The following RNF130 variants were observed in gnomAD, a reference collection of about 807,000 sequenced individuals.
RNF130 encodes the protein E3 ubiquitin-protein ligase RNF130.
Under a neutral mutation model 44.6 loss-of-function variants are expected in RNF130, and 21 were observed. The ratio of observed to expected loss-of-function variants is 0.47; its 90% confidence interval spans 0.33 to 0.68. RNF130 has a LOEUF of 0.68. RNF130 is among the 30% of genes least tolerant of loss of function. RNF130 has a pLI of 0.02. For synonymous variants in RNF130, 214 were observed against 210.4 expected (o/e 1.02, Z -0.15); for missense variants, 479 against 560.6 (o/e 0.85, Z 1.47).
chr5:179,939,685 A>C, intron 7 of RNF130: 1 of 454,238 alleles, frequency 2.2e-6, no homozygotes, highest in Non-Finnish European at 4.3e-6. Flanking sequence ...AAATGAAGAA[A>C]ATCTTCATCA....
At chr5:179,967,677 T>G (rs888579280) in intron 6 of RNF130, among the ~76,000 whole-genome samples, 8 of 152,254 alleles carry the variant, frequency 5.3e-5, no homozygotes, top group African/African-American at 1.9e-4. Context: ...TAACAACCTT[T>G]GGTTCTCTCA....
At chr5:180,012,934 T>TA in intron 3 of RNF130, 127 bp downstream of exon 3, 1 of 1,091,706 alleles carries the variant, frequency 9.2e-7, no homozygotes, top group East Asian at 2.4e-5. Flanking sequence ...TCCAACATAT[T>TA]AAAATGACTG....
intron 3 of RNF130, among the ~76,000 whole-genome samples, chr5:180,000,047 G>A (rs569450393): frequency 6.6e-6 from 1 of 152,084 alleles, no homozygotes; most frequent in African/African-American, 2.4e-5. Flanking sequence ...TCATACTCCT[G>A]CATGTTTTCC....
At chr5:179,985,725 A>G (rs1252010817) in intron 3 of RNF130, among the ~76,000 whole-genome samples, 2 of 152,174 alleles carry the variant, frequency 1.3e-5, no homozygotes, top group African/African-American at 4.8e-5. Flanking sequence ...AGCTTTATCA[A>G]TAAGGGCAGT....
intron 3 of RNF130, among the ~76,000 whole-genome samples, chr5:180,011,102 T>C (rs1322241853): frequency 6.6e-6 from 1 of 152,224 alleles, no homozygotes; most frequent in Non-Finnish European, 1.5e-5. Flanking sequence ...AAAACGCATA[T>C]AACCTGAAAC....
rs1446758930 is a variant in RNF130 at position 179,955,650 on chromosome 5, T to C, written c.*4A>G. 8.2e-6 allele frequency: 13 copies of C among 1,586,164 alleles called. No homozygotes were observed. The highest frequency in any genetic ancestry group is 1.1e-5 in the Non-Finnish European group (13 of 1,167,608). ...AATCAGTCAGAAAGCAGGTTTTTTC[T>C]TCTTCAAAACCATTCTACCCTATGG... On this transcript the variant is annotated 3_prime_UTR_variant, in exon 9 of 9. Coordinates refer to ENST00000521389, the MANE Select transcript of RNF130 (RefSeq NM_018434.6).
At chr5:180,015,548 GGGGAAGGAGTA>G in intron 2 of RNF130, among the ~76,000 whole-genome samples, 1 of 105,746 alleles carries the variant, frequency 9.5e-6, no homozygotes, top group Non-Finnish European at 1.8e-5. Context: ...GAAAGGAGTA[GGGGAAGGAGTA>G]GGGAAGGAGT....
chr5:179,953,076 T>C (rs1222120282), downstream of RNF130, among the ~76,000 whole-genome samples: 2 of 152,078 alleles, frequency 1.3e-5, no homozygotes, highest in Non-Finnish European at 2.9e-5. Context: ...ACAGATGACA[T>C]GATCTTGTAG....
Position 179,983,882 on chromosome 5 carries a change from C to T in RNF130, c.694-3682G>A, listed in dbSNP as rs1256914431. On this transcript the variant is annotated intron_variant, in intron 3 of 8. Coordinates refer to ENST00000521389, the MANE Select transcript of RNF130 (RefSeq NM_018434.6). ...TGTCAGATTTATTGTTAAGAATTTC[C>T]TATTTGTTGATGCTATGGAAAATGG... is the stretch of plus-strand genomic sequence containing the variant. Among the ~76,000 whole-genome samples the T allele has an allele frequency of 2.0e-5, 3 of 152,104 alleles. 1 individual carries two copies. The South Asian group carries it at 6.2e-4, about 32-fold the overall frequency.
chr5:180,018,528 CCCT>C (rs1351683706), intron 2 of RNF130, among the ~76,000 whole-genome samples: 1 of 152,136 alleles, frequency 6.6e-6, no homozygotes, highest in African/African-American at 2.4e-5. Flanking sequence ...CCTGGTCCCA[CCCT>C]TGACATGTGG....
intron 2 of RNF130, among the ~76,000 whole-genome samples, chr5:180,029,312 G>A (rs1011815459): frequency 1.3e-5 from 2 of 152,196 alleles, no homozygotes; most frequent in Middle Eastern, 3.2e-3. Context: ...ATTGGATGAA[G>A]TATTTCAATA....
At chr5:180,045,996 G>A (rs1186556014) in intron 1 of RNF130, among the ~76,000 whole-genome samples, 1 of 152,234 alleles carries the variant, frequency 6.6e-6, no homozygotes, top group African/African-American at 2.4e-5. Flanking sequence ...GAGCCCCGTG[G>A]AGCAGGGGGC....
chr5:180,013,276 A>G lies in RNF130; in HGVS notation c.478T>C (p.Leu160=). Residue 160 remains leucine (L), a synonymous_variant, in exon 3 of 9, where the codon TTG becomes CTG. Coordinates refer to ENST00000521389, the MANE Select transcript of RNF130 (RefSeq NM_018434.6). ...GDIIAVMITE[L]RGKDILSYLE... ...TAACTCAAAATATCCTTACCCCTCAATTCTGTTATCATGACAGCAATAATA... is the reference window on the plus strand; with the variant it reads ...TAACTCAAAATATCCTTACCCCTCAGTTCTGTTATCATGACAGCAATAATA... The G allele has an allele frequency of 6.2e-7, 1 of 1,613,466 alleles. No individual in the cohort carries two copies.
chr5:179,964,236 GACCGGGT>G (rs550441963), intron 7 of RNF130: 6 of 152,444 alleles, frequency 3.9e-5, no homozygotes, highest in Admixed American at 3.9e-4. Flanking sequence ...GCGGGCGACT[GACCGGGT>G]ACTTGGCCAC....
At chr5:179,961,627 G>C (rs537398478) in intron 8 of RNF130, among the ~76,000 whole-genome samples, 1 of 152,250 alleles carries the variant, frequency 6.6e-6, no homozygotes, top group South Asian at 2.1e-4. Context: ...TTATTTGCTT[G>C]TACTGGTTAT....
intron 2 of RNF130, among the ~76,000 whole-genome samples, chr5:180,028,686 A>C (rs1486897466): frequency 1.3e-5 from 2 of 152,192 alleles, no homozygotes; most frequent in Non-Finnish European, 2.9e-5. Flanking sequence ...GTTCCCGGCA[A>C]ACACTCACTC....
At chr5:179,972,763 C>T (rs1762614362) in intron 5 of RNF130, among the ~76,000 whole-genome samples, 1 of 152,126 alleles carries the variant, frequency 6.6e-6, no homozygotes, top group South Asian at 2.1e-4. Context: ...CAGAAAGAAC[C>T]AAATGGTATA....
At chr5:180,005,433 A>AAAC (rs10645011) in intron 3 of RNF130, among the ~76,000 whole-genome samples, 30,484 of 151,874 alleles carry the variant, frequency 0.2, 3,254 homozygotes, top group Middle Eastern at 0.24. Context: ...TGTCTCAGAA[A>AAAC]AACAACAACA....
intron 2 of RNF130, among the ~76,000 whole-genome samples, chr5:180,027,947 G>C (rs762252264): frequency 5.3e-5 from 8 of 152,202 alleles, no homozygotes; most frequent in Admixed American, 6.5e-5. Flanking sequence ...CAACCTCATC[G>C]AGACCACGCC....
Sources: allele counts gnomAD v4.1 joint callset (sites outside exome capture counted in the v4.1 genomes callset), GRCh38; gene constraint gnomAD v4.1.1; transcripts MANE v1.5; gene names NCBI Gene and HGNC (gene_info 2026-07-23, HGNC 2026-07-21).